Variants in RUNX1 observed in about 807,000 individuals in gnomAD.
RUNX1 encodes RUNX family transcription factor 1.
RUNX1 carries 19 observed loss-of-function variants against 42.8 expected under a neutral mutation model. The observed-to-expected ratio is 0.44, with a 90% CI of 0.31 to 0.65. RUNX1 has a LOEUF of 0.65. Among genes scored for constraint, RUNX1 ranks in the 30% least tolerant of loss-of-function variants. The pLI is 0.07. For synonymous variants in RUNX1, 271 were observed against 289.4 expected, an observed-to-expected ratio of 0.94 and a Z score of 0.64; for missense variants, 528 against 672.0, an observed-to-expected ratio of 0.79 and a Z score of 2.37.
intron 5 of RUNX1, among the ~76,000 whole-genome samples, chr21:34,862,488 GA>G: frequency 6.6e-6 from 1 of 152,200 alleles, no homozygotes; most frequent in Non-Finnish European, 1.5e-5. Flanking sequence ...CTGGAAGTCA[GA>G]AGTCCCAAAT....
At chr21:34,916,044 G>C (rs1023961519) in intron 2 of RUNX1, among the ~76,000 whole-genome samples, 1 of 152,152 alleles carries the variant, frequency 6.6e-6, no homozygotes, top group Non-Finnish European at 1.5e-5. Flanking sequence ...GTGTGGGGAA[G>C]GGGAGAGGGG....
intron 2 of RUNX1, among the ~76,000 whole-genome samples, chr21:35,035,628 CATT>C: frequency 6.6e-6 from 1 of 152,292 alleles, no homozygotes; most frequent in African/African-American, 2.4e-5. Flanking sequence ...TATTTGTTCT[CATT>C]ATTCATAAGC....
At chr21:34,873,502 G>A (rs2057769308) in intron 5 of RUNX1, among the ~76,000 whole-genome samples, 1 of 152,206 alleles carries the variant, frequency 6.6e-6, no homozygotes, top group South Asian at 2.1e-4. Flanking sequence ...CATCTTCTTT[G>A]AGAAAAACAC....
rs1330165204 is a variant in RUNX1, at chr21:34,789,956, T to G, written c.*2179A>C. 1 of 233,078 alleles carries G rather than the reference T, an allele frequency of 4.3e-6. No homozygotes were observed. The highest frequency in any genetic ancestry group is 2.2e-5 in the African/African-American group (1 of 45,354). 14.4% of individuals were successfully genotyped at this position (233,078 alleles called of 1,614,324 possible). Reference sequence around the variant, plus strand: ...CTGAAAAAAAACATTTACGTTTAATTTGGGGGAAATGGGCTAATGGTGCTT... The same window carrying G: ...CTGAAAAAAAACATTTACGTTTAATGTGGGGGAAATGGGCTAATGGTGCTT... On this transcript the variant is annotated 3_prime_UTR_variant, in exon 9 of 9. Coordinates refer to ENST00000675419, the MANE Select transcript of RUNX1 (RefSeq NM_001754.5).
chr21:35,008,836 A>C (rs956290069), intron 2 of RUNX1, among the ~76,000 whole-genome samples: 14 of 152,238 alleles, frequency 9.2e-5, no homozygotes, highest in Non-Finnish European at 1.8e-4. Context: ...TTCTGGAAGA[A>C]GATAAAATTA....
At chr21:34,820,689 T>C (rs1229392975) in intron 7 of RUNX1, among the ~76,000 whole-genome samples, 1 of 151,744 alleles carries the variant, frequency 6.6e-6, no homozygotes, top group African/African-American at 2.4e-5. Flanking sequence ...ATTCAACCTT[T>C]TAAAAATGGA....
intron 2 of RUNX1, 63 bp from the exon 3 acceptor site, chr21:34,893,026 C>CTTTT: frequency 3.5e-6 from 3 of 852,712 alleles, no homozygotes; most frequent in South Asian, 1.6e-5. Flanking sequence ...TTTCCCCCGA[C>CTTTT]TTTTTTTTTT....
chr21:34,958,323 C>T (rs1428057483), intron 2 of RUNX1, among the ~76,000 whole-genome samples: 1 of 152,100 alleles, frequency 6.6e-6, no homozygotes, highest in Non-Finnish European at 1.5e-5. Flanking sequence ...TAAGTCCTTC[C>T]TTGCTCTAAA....
rs180935342 is a variant in RUNX1, at chr21:34,989,157, C to T, written c.58+59685G>A. Reference sequence around the variant, plus strand: ...CTGAGTAGCTGAGATTACAGGCGCCCGCCGCCACACCCAGCTAATTTTTGT... The same window carrying T: ...CTGAGTAGCTGAGATTACAGGCGCCTGCCGCCACACCCAGCTAATTTTTGT... On this transcript the variant is annotated intron_variant, in intron 2 of 8. Coordinates refer to ENST00000675419, the MANE Select transcript of RUNX1 (RefSeq NM_001754.5). Among the ~76,000 whole-genome samples, 217 of 152,156 alleles carry T rather than the reference C, an allele frequency of 1.4e-3. 1 individual carries two copies. Among genetic ancestry groups the T allele is most frequent in the African/African-American group, 4.8e-3 (199 of 41,496 alleles).
At chr21:34,831,356 C>A (rs1346263098) in intron 7 of RUNX1, among the ~76,000 whole-genome samples, 1 of 152,218 alleles carries the variant, frequency 6.6e-6, no homozygotes, top group East Asian at 1.9e-4. Flanking sequence ...TGCCCCCTCT[C>A]AATCTGTACC....
chr21:34,963,858 C>T (rs1273592191), intron 2 of RUNX1, among the ~76,000 whole-genome samples: 1 of 152,226 alleles, frequency 6.6e-6, no homozygotes, highest in Non-Finnish European at 1.5e-5. Context: ...CTGGGCCTGA[C>T]TGTCAGGTAC....
intron 5 of RUNX1, among the ~76,000 whole-genome samples, chr21:34,874,630 A>AAAAAAAAAAAAAAAC (rs1569074693): frequency 1.4e-5 from 2 of 147,838 alleles, no homozygotes; most frequent in African/African-American, 5.1e-5. Context: ...AAAAAAAAAA[A>AAAAAAAAAAAAAAAC]AAAAAGACAG....
intron 7 of RUNX1, among the ~76,000 whole-genome samples, chr21:34,827,117 G>A (rs568396268): frequency 6.6e-6 from 1 of 152,262 alleles, no homozygotes; most frequent in African/African-American, 2.4e-5. Flanking sequence ...ATAGAAATGA[G>A]GAACAAGGTA....
chr21:34,836,831 G>A (rs1227764807), intron 6 of RUNX1, among the ~76,000 whole-genome samples: 3 of 152,180 alleles, frequency 2.0e-5, no homozygotes, highest in Non-Finnish European at 4.4e-5. Flanking sequence ...AGCACTTGAC[G>A]TGGTAGAGTC....
At chr21:34,860,922 A>G (rs942416477) in intron 5 of RUNX1, among the ~76,000 whole-genome samples, 1 of 152,238 alleles carries the variant, frequency 6.6e-6, no homozygotes. Flanking sequence ...TATCTGTATT[A>G]AAGTCTATAA....
intron 2 of RUNX1, among the ~76,000 whole-genome samples, chr21:35,032,446 G>C (rs141097009): frequency 3.9e-5 from 6 of 152,306 alleles, no homozygotes; most frequent in Non-Finnish European, 8.8e-5. Context: ...GTGGAAAAGA[G>C]GGCATCCTTT....
chr21:34,973,605 T>C (rs555804922), intron 2 of RUNX1, among the ~76,000 whole-genome samples: 1 of 152,342 alleles, frequency 6.6e-6, no homozygotes, highest in East Asian at 1.9e-4. Context: ...ACAATCCTCC[T>C]ATAAATCTGC....
rs1464123193 is a variant in RUNX1, at chr21:34,892,152, A to T, written c.97+773T>A. ...TATTTTAAATGACCATTTACATTTT[A>T]AAAAATAGAATGTATCTTGCTATGG... On this transcript the variant is annotated intron_variant, in intron 3 of 8. Transcript: ENST00000675419. 1.3e-5 allele frequency among the ~76,000 whole-genome samples: 2 copies of T among 152,242 alleles called. 1 individual carries two copies. The highest frequency in any genetic ancestry group is 4.1e-4 in the South Asian group (2 of 4,832).
chr21:35,008,040 C>T (rs1188066616), intron 2 of RUNX1, among the ~76,000 whole-genome samples: 1 of 152,184 alleles, frequency 6.6e-6, no homozygotes, highest in Non-Finnish European at 1.5e-5. Context: ...TTCACAAACA[C>T]ATGCTGTACC....
Sources: gnomAD v4.1 joint callset for allele counts (sites outside exome capture counted in the v4.1 genomes callset) on GRCh38, gnomAD v4.1.1 for gene constraint, MANE v1.5 for transcripts, NCBI Gene and HGNC (gene_info 2026-07-23, HGNC 2026-07-21) for gene names.